VRK2: variants seen among roughly 807,000 people sequenced by gnomAD.
VRK2 encodes the protein VRK serine/threonine kinase 2.
A neutral mutation model predicts 57.6 loss-of-function variants in VRK2; 60 were observed. The ratio of observed to expected loss-of-function variants is 1.04; its 90% CI spans 0.85 to 1.29. The LOEUF (loss-of-function observed/expected upper bound fraction) is 1.29. Among genes scored for constraint, VRK2 ranks in the 50% most tolerant of loss-of-function variants. The pLI is 0.00. For missense variants in VRK2, 705 were observed against 588.1 expected (o/e 1.20, Z -2.06); for synonymous variants, 231 against 199.2 (o/e 1.16, Z -1.35).
intron 1 of VRK2, among the ~76,000 whole-genome samples, chr2:58,021,701 C>T (rs1379282152): frequency 1.3e-5 from 2 of 152,106 alleles, no homozygotes; most frequent in South Asian, 4.1e-4. Flanking sequence ...GAATTTTCAG[C>T]ATTTTCTTTA....
At chr2:57,956,722 G>A (rs188795461) in intron 1 of VRK2, among the ~76,000 whole-genome samples, 2 of 152,244 alleles carry the variant, frequency 1.3e-5, no homozygotes, top group East Asian at 3.9e-4. Context: ...AAGAAAGTAG[G>A]CATTGTATGA....
intron 1 of VRK2, among the ~76,000 whole-genome samples, chr2:57,999,183 T>C (rs1673013505): frequency 6.6e-6 from 1 of 152,300 alleles, no homozygotes; most frequent in African/African-American, 2.4e-5. Flanking sequence ...TTCGTCACTC[T>C]GTATAAGAAT....
chr2:57,915,109 T>A lies in VRK2; in HGVS notation c.-439+7270T>A, dbSNP rs72945338. 4.7e-3 allele frequency among the ~76,000 whole-genome samples: 722 copies of A among 152,124 alleles called. 9 individuals carry two copies. The highest frequency in any genetic ancestry group is 0.017 in the African/African-American group (694 of 41,518). On this transcript the variant is annotated intron_variant, in intron 1 of 15. Coordinates refer to the VRK2 transcript ENST00000417641. ...AAGGACAAAATTAGAAATAGCAAAA[T>A]AAAATCATAGTTCTTTAAAAGTTCT...
At chr2:58,119,758 G>GATATTTATATTATTTT (rs1677140793) in intron 7 of VRK2, among the ~76,000 whole-genome samples, 1 of 150,826 alleles carries the variant, frequency 6.6e-6, no homozygotes, top group African/African-American at 2.4e-5. Flanking sequence ...TTTTCTACAG[G>GATATTTATATTATTTT]ATATTTATAT....
At chr2:58,026,600 T>G (rs1412577066) in intron 2 of VRK2, 1 of 152,224 alleles carries the variant, frequency 6.6e-6, no homozygotes. Flanking sequence ...TTGACCTTAA[T>G]GGAATAAAGT....
intron 1 of VRK2, among the ~76,000 whole-genome samples, chr2:57,959,361 C>A (rs553473734): frequency 1.3e-5 from 2 of 152,318 alleles, no homozygotes; most frequent in Non-Finnish European, 2.9e-5. Context: ...ACAAAAGAAA[C>A]AGACAGAACA....
At chr2:58,066,884 T>C (rs528922404) in intron 2 of VRK2, among the ~76,000 whole-genome samples, 116 of 152,294 alleles carry the variant, frequency 7.6e-4, no homozygotes, top group African/African-American at 2.7e-3. Context: ...TTGAAGGATG[T>C]GAAGTATTAT....
At chr2:58,113,168 G>A (rs1230055815) in intron 7 of VRK2, among the ~76,000 whole-genome samples, 1 of 152,014 alleles carries the variant, frequency 6.6e-6, no homozygotes, top group Non-Finnish European at 1.5e-5. Flanking sequence ...AATTAGCTGG[G>A]CGTGGTGGCA....
chr2:57,956,560 T>C (rs764765939), intron 1 of VRK2, among the ~76,000 whole-genome samples: 14 of 152,182 alleles, frequency 9.2e-5, no homozygotes, highest in Admixed American at 3.3e-4. Flanking sequence ...TTTAATTCTT[T>C]ATTCACTTTT....
chr2:58,032,280 C>T (rs564464018), intron 2 of VRK2, among the ~76,000 whole-genome samples: 1 of 152,100 alleles, frequency 6.6e-6, no homozygotes, highest in South Asian at 2.1e-4. Flanking sequence ...TAACAAAATA[C>T]CATAGACTGG....
chr2:58,014,041 G>T (rs185306974), intron 1 of VRK2, among the ~76,000 whole-genome samples: 60 of 152,118 alleles, frequency 3.9e-4, no homozygotes, highest in African/African-American at 1.2e-3. Flanking sequence ...AAATAATAAT[G>T]ATATCACAAT....
At chr2:58,144,699 G>A (rs1681853978) in intron 11 of VRK2, among the ~76,000 whole-genome samples, 1 of 151,978 alleles carries the variant, frequency 6.6e-6, no homozygotes, top group Non-Finnish European at 1.5e-5. Context: ...TCAGCAGAAA[G>A]TGGCTCAGAA....
chr2:58,121,245 T>A (rs1012429654), intron 7 of VRK2, among the ~76,000 whole-genome samples: 1 of 152,236 alleles, frequency 6.6e-6, no homozygotes, highest in Non-Finnish European at 1.5e-5. Flanking sequence ...TCTTATTTCT[T>A]TGTGCTAGTG....
At chr2:58,113,312 C>CAAAA (rs60456089) in intron 7 of VRK2, among the ~76,000 whole-genome samples, 1 of 82,210 alleles carries the variant, frequency 1.2e-5, no homozygotes. Context: ...AACTCCGTCT[C>CAAAA]AAAAAAAAAA....
intron 1 of VRK2, among the ~76,000 whole-genome samples, chr2:57,919,078 A>G (rs562911440): frequency 1.2e-4 from 19 of 152,100 alleles, no homozygotes; most frequent in Non-Finnish European, 1.8e-4. Flanking sequence ...TTAATTCATC[A>G]AGACTGTTCT....
At chr2:57,955,812 C>T (rs1671569791) in intron 1 of VRK2, among the ~76,000 whole-genome samples, 1 of 152,048 alleles carries the variant, frequency 6.6e-6, no homozygotes, top group African/African-American at 2.4e-5. Flanking sequence ...AATTTTTGCA[C>T]ATTAGAAATA....
intron 3 of VRK2, among the ~76,000 whole-genome samples, chr2:58,038,068 T>C (rs1282032638): frequency 6.6e-6 from 1 of 152,068 alleles, no homozygotes; most frequent in African/African-American, 2.4e-5. Flanking sequence ...GATTTGGAGC[T>C]GAAAGCAATT....
intron 2 of VRK2, among the ~76,000 whole-genome samples, chr2:58,075,538 G>T (rs969512868): frequency 6.6e-6 from 1 of 151,998 alleles, no homozygotes. Flanking sequence ...CTGAAACCTC[G>T]CCAACATCTA....
At chr2:57,918,551 T>A (rs1460291183) in intron 1 of VRK2, among the ~76,000 whole-genome samples, 1 of 152,112 alleles carries the variant, frequency 6.6e-6, no homozygotes, top group African/African-American at 2.4e-5. Context: ...AAAATCTTCT[T>A]CACTTTCTGG....
Sources: gnomAD v4.1 joint callset for allele counts (sites outside exome capture counted in the v4.1 genomes callset) on GRCh38, gnomAD v4.1.1 for gene constraint, MANE v1.5 for transcripts, NCBI Gene and HGNC (gene_info 2026-07-23, HGNC 2026-07-21) for gene names.